DNAH11: variants seen among roughly 807,000 people sequenced by gnomAD.
DNAH11 encodes dynein axonemal heavy chain 11, also known as axonemal beta dynein heavy chain 11.
A neutral mutation model predicts 526.0 loss-of-function variants in DNAH11; 442 were observed. That is an observed-to-expected ratio of 0.84 (90% CI 0.78 to 0.91). The LOEUF is 0.91. Ranked by LOEUF, DNAH11 falls within the 40% of genes least tolerant of loss-of-function variation. DNAH11 has a pLI of 0.00. For synonymous variants in DNAH11, 2,461 were observed against 1,935.9 expected (o/e 1.27, Z -7.12); for missense variants, 6,989 against 5,448.7 (o/e 1.28, Z -8.90).
At chr7:21,607,221 G>A (rs1346626419) in intron 20 of DNAH11, among the ~76,000 whole-genome samples, 4 of 151,972 alleles carry the variant, frequency 2.6e-5, no homozygotes, top group Non-Finnish European at 5.9e-5. Flanking sequence ...TGGACAAGAA[G>A]CATCTAGCAC....
At chr7:21,615,658 T>G (rs1459311229) in intron 21 of DNAH11, among the ~76,000 whole-genome samples, 2 of 152,074 alleles carry the variant, frequency 1.3e-5, no homozygotes, top group Non-Finnish European at 2.9e-5. Flanking sequence ...AAACAGACCC[T>G]TCCTAAAAAT....
intron 63 of DNAH11, among the ~76,000 whole-genome samples, chr7:21,810,199 C>T (rs1789452938): frequency 1.3e-5 from 2 of 152,118 alleles, no homozygotes; most frequent in Admixed American, 6.5e-5. Context: ...AATAGATTTG[C>T]ACGATGTAAA....
intron 79 of DNAH11, among the ~76,000 whole-genome samples, chr7:21,896,260 AAT>A (rs1230905889): frequency 6.6e-6 from 1 of 152,144 alleles, no homozygotes; most frequent in Non-Finnish European, 1.5e-5. Flanking sequence ...CAGAGTATAA[AAT>A]ATAGAGCAGG....
chr7:21,874,236 G>A (rs1369835291), intron 74 of DNAH11, among the ~76,000 whole-genome samples: 1 of 151,992 alleles, frequency 6.6e-6, no homozygotes, highest in Non-Finnish European at 1.5e-5. Flanking sequence ...TTTGATATGA[G>A]TAAATTTAAA....
chr7:21,601,504 T>C lies in DNAH11; in HGVS notation c.3534T>C (p.Ala1178=). 1.9e-6 allele frequency: 3 copies of C among 1,613,822 alleles called. No individual in the cohort carries two copies. The highest frequency in any genetic ancestry group is 2.5e-6 in the Non-Finnish European group (3 of 1,179,804). ...TTGACATCATGGTGCATCTTCTGGC[T>C]GTAAGAAGCCGACAGAGAGCTACTG... The part of the protein sequence containing the change: ...GLVDIMVHLL[A]VRSRQRATDE... Residue 1178 remains alanine, a synonymous_variant, in exon 18 of 82, where the codon GCT becomes GCC. Transcript: ENST00000409508.
rs925353815 is a variant in DNAH11, at chr7:21,754,640, G to GT, written c.8940+4284dup. Among the ~76,000 whole-genome samples, 17 of 151,578 alleles carry GT rather than the reference G, an allele frequency of 1.1e-4. 1 individual carries two copies. In the East Asian group the frequency reaches 2.1e-3, roughly 19 times the overall value. ...CCCTACTAAAATGAGTAGGAAGTTG[G>GT]TTTTTTTTGTTTTTGTTTTGTGCTG... On this transcript the variant is annotated intron_variant, in intron 54 of 81. Coordinates refer to ENST00000409508, the MANE Select transcript of DNAH11 (RefSeq NM_001277115.2).
In DNAH11 at chr7:21,606,992, G is replaced by A. The variant is rs566738880; in HGVS notation, c.3852+259G>A. On this transcript the variant is annotated intron_variant, in intron 20 of 81. Coordinates refer to ENST00000409508, the MANE Select transcript of DNAH11 (RefSeq NM_001277115.2). ...AGGATAGATGTATATAGGAAAGGGC[G>A]TTTATTAAGGAGTATTGACTCACAC... 8.5e-5 allele frequency among the ~76,000 whole-genome samples: 13 copies of A among 152,202 alleles called. 1 individual carries two copies. The South Asian group carries it at 1.5e-3, about 17-fold the overall frequency.
At chr7:21,681,008 C>A (rs1783113978) in intron 30 of DNAH11, among the ~76,000 whole-genome samples, 1 of 152,162 alleles carries the variant, frequency 6.6e-6, no homozygotes, top group Non-Finnish European at 1.5e-5. Flanking sequence ...AGCCGGGAAA[C>A]CCTGTGTCTT....
At chr7:21,580,289 C>T (rs774732818) in intron 8 of DNAH11, among the ~76,000 whole-genome samples, 5 of 152,116 alleles carry the variant, frequency 3.3e-5, no homozygotes, top group South Asian at 2.1e-4. Context: ...GGATGTTAGG[C>T]GTGTTAAAAC....
At chr7:21,666,699 A>G (rs1450969639) in intron 30 of DNAH11, among the ~76,000 whole-genome samples, 1 of 151,852 alleles carries the variant, frequency 6.6e-6, no homozygotes, top group Admixed American at 6.6e-5. Context: ...CAGCCCTATT[A>G]CCTGAATAGA....
intron 66 of DNAH11, among the ~76,000 whole-genome samples, chr7:21,850,228 A>C (rs370892169): frequency 0.066 from 9,999 of 150,908 alleles, 493 homozygotes; most frequent in South Asian, 0.14. Context: ...TGGTGGTGGG[A>C]GCCTGTAGTC....
intron 25 of DNAH11, among the ~76,000 whole-genome samples, chr7:21,625,139 A>T (rs1448847387): frequency 1.3e-5 from 2 of 152,044 alleles, no homozygotes; most frequent in Non-Finnish European, 2.9e-5. Context: ...GTTTGGCAGA[A>T]TTCCACCGTG....
chr7:21,732,509 C>CATG (rs2128488015), intron 45 of DNAH11, among the ~76,000 whole-genome samples: 1 of 152,264 alleles, frequency 6.6e-6, no homozygotes, highest in Non-Finnish European at 1.5e-5. Flanking sequence ...ATGACTTCAT[C>CATG]CTATCTCATT....
At chr7:21,578,133 C>T (rs1402546763) in intron 8 of DNAH11, among the ~76,000 whole-genome samples, 1 of 152,116 alleles carries the variant, frequency 6.6e-6, no homozygotes, top group African/African-American at 2.4e-5. Flanking sequence ...ACTTTTAAAC[C>T]ATCAGATCTC....
In DNAH11 at chr7:21,639,009, T is replaced by G; in HGVS notation, c.4888T>G (p.Phe1630Val). ...TKRIAFPRFY[F>V]VSSADLLDIL... is the part of the protein sequence containing the mutation. ...GCGCATAGCCTTTCCTCGCTTCTAT[T>G]TCGTCTCTTCTGCTGATTTACTTGA... is the stretch of plus-strand genomic sequence containing the variant. The change falls in exon 28 of 82, where the codon TTC becomes GTC. Residue 1630 changes from phenylalanine (F) to valine (V), a missense_variant. By Grantham distance (50) the Phe-to-Val change is conservative. Coordinates refer to ENST00000409508, the MANE Select transcript of DNAH11 (RefSeq NM_001277115.2). The G allele has an allele frequency of 6.2e-7, 1 of 1,613,746 alleles. No homozygotes were observed.
intron 65 of DNAH11, among the ~76,000 whole-genome samples, chr7:21,842,313 G>T (rs1439999667): frequency 6.6e-6 from 1 of 152,146 alleles, no homozygotes; most frequent in Non-Finnish European, 1.5e-5. Flanking sequence ...ACTATGGGGT[G>T]AGTACTATTA....
chr7:21,750,098 T>C, intron 53 of DNAH11, 124 bp from the exon 54 acceptor site: 1 of 1,299,930 alleles, frequency 7.7e-7, no homozygotes, highest in Non-Finnish European at 1.0e-6. Context: ...ATGACGTTTC[T>C]GATTTTAAAC....
intron 62 of DNAH11, among the ~76,000 whole-genome samples, chr7:21,807,570 G>C (rs1414004037): frequency 2.0e-5 from 3 of 152,148 alleles, no homozygotes; most frequent in Non-Finnish European, 4.4e-5. Context: ...CAGAGGGACA[G>C]GGGAGAGACT....
chr7:21,866,698 G>A (rs929117228), intron 71 of DNAH11, 35 bp downstream of exon 71: 29 of 1,571,834 alleles, frequency 1.8e-5, no homozygotes, highest in Non-Finnish European at 2.4e-5. Flanking sequence ...ACATGTATTA[G>A]TTAACATAGA....
Sources: allele counts gnomAD v4.1 joint callset (sites outside exome capture counted in the v4.1 genomes callset), GRCh38; gene constraint gnomAD v4.1.1; transcripts MANE v1.5; gene names NCBI Gene and HGNC (gene_info 2026-07-23, HGNC 2026-07-21).